The following PRKD2 variants were observed in gnomAD, a reference collection of about 807,000 sequenced individuals.
PRKD2 encodes serine/threonine-protein kinase D2.
Under a neutral mutation model 86.0 loss-of-function variants are expected in PRKD2, and 22 were observed. That is an observed-to-expected ratio of 0.26 (90% confidence interval 0.18 to 0.37). The LOEUF is 0.37. Among genes scored for constraint, PRKD2 ranks in the 10% least tolerant of loss-of-function variants. The pLI is 1.00. For missense variants in PRKD2, 818 were observed against 1,199.2 expected (o/e 0.68, Z 4.70); for synonymous variants, 509 against 510.9 (o/e 1.00, Z 0.05).
chr19:46,713,766 C>G (rs1003525439), intron 2 of PRKD2, 97 bp downstream of exon 2: 2 of 1,177,910 alleles, frequency 1.7e-6, no homozygotes, highest in South Asian at 3.0e-5. Flanking sequence ...CCACTACACC[C>G]GGCCTCTCCT....
At position 46,704,571 on chromosome 19, in the gene PRKD2, G is replaced by A; in HGVS notation, c.590C>T (p.Ser197Leu). The change falls in exon 4 of 18, where the codon TCA becomes TTA. Residue 197 changes from serine to leucine, a missense_variant. Coordinates refer to ENST00000291281, the MANE Select transcript of PRKD2 (RefSeq NM_016457.5). ...GTGGCCACTGGCCAGAGACGTGGATGACAGGCGCCGTTTGCGGGCCCCACT... is the reference window on the plus strand; with the variant it reads ...GTGGCCACTGGCCAGAGACGTGGATAACAGGCGCCGTTTGCGGGCCCCACT... Reference protein sequence around the residue: ...NCSGARKRRLSSTSLASGHSV... With the variant: ...NCSGARKRRLLSTSLASGHSV... 1 of 1,614,102 alleles carries A rather than the reference G, an allele frequency of 6.2e-7. No homozygotes were observed. The highest frequency in any genetic ancestry group is 8.5e-7 in the Non-Finnish European group (1 of 1,180,008).
chr19:46,714,477 T>TGGGGGGGGGGGGGGG (rs567281554), intron 1 of PRKD2: 1 of 40,950 alleles, frequency 2.4e-5, no homozygotes, highest in Non-Finnish European at 6.2e-5. Context: ...CCTGGGAAAG[T>TGGGGGGGGGGGGGGG]GGGGGGGGGG....
chr19:46,710,030 T>TG (rs1469764366), intron 3 of PRKD2, among the ~76,000 whole-genome samples: 1 of 152,116 alleles, frequency 6.6e-6, no homozygotes, highest in Non-Finnish European at 1.5e-5. Context: ...CCCAAGTAGC[T>TG]GGGACTACAG....
rs1202715828 is a variant in PRKD2 at position 46,713,940 on chromosome 19, G to T, written c.302C>A (p.Thr101Lys). The stretch of plus-strand genomic sequence containing the variant: ...CACCAGCTGCAGGAGGTTGGCCGAC[G>T]TGGGGTCATGTTTGAAAAGCAGGAT... Reference protein sequence around the residue: ...DKILLFKHDPTSANLLQLVRS... With the variant: ...DKILLFKHDPKSANLLQLVRS... Residue 101 changes from threonine to lysine, a missense_variant, in exon 2 of 18, where the codon ACG becomes AAG. Thr to Lys is a moderately conservative substitution (Grantham distance 78). Transcript: ENST00000291281. 4 of 1,613,532 alleles carry T rather than the reference G, an allele frequency of 2.5e-6. No individual in the cohort carries two copies. The highest frequency in any genetic ancestry group is 1.3e-5 in the African/African-American group (1 of 74,914).
chr19:46,703,992 C>CACACACAA (rs946341425), intron 5 of PRKD2, among the ~76,000 whole-genome samples, 177 bp downstream of exon 5: 1 of 150,200 alleles, frequency 6.7e-6, no homozygotes, highest in East Asian at 1.9e-4. Context: ...CACACACACA[C>CACACACAA]AACTGAGGTT....
At chr19:46,691,834 G>C (rs774689740) in intron 11 of PRKD2, 27 bp from the exon 12 acceptor site, 2 of 1,613,910 alleles carry the variant, frequency 1.2e-6, no homozygotes, top group Non-Finnish European at 1.7e-6. Flanking sequence ...GGGCAGGTCA[G>C]GGGTGCAAAT....
intron 14 of PRKD2, chr19:46,685,756 C>T (rs2053387584): frequency 6.6e-6 from 1 of 152,186 alleles, no homozygotes; most frequent in African/African-American, 2.4e-5. Context: ...TGAGACTGGC[C>T]TGGGCAACAT....
At chr19:46,689,224 C>T (rs547516863) in intron 14 of PRKD2, among the ~76,000 whole-genome samples, 5 of 150,126 alleles carry the variant, frequency 3.3e-5, no homozygotes, top group East Asian at 2.0e-4. Context: ...CAGGTTCACA[C>T]CATTCTCCTG....
chr19:46,707,715 T>C (rs1180667075), intron 3 of PRKD2, among the ~76,000 whole-genome samples: 1 of 152,156 alleles, frequency 6.6e-6, no homozygotes, highest in Non-Finnish European at 1.5e-5. Flanking sequence ...ATTTCAACAT[T>C]CTCACTCAGA....
At chr19:46,689,312 A>T (rs2053449230) in intron 14 of PRKD2, among the ~76,000 whole-genome samples, 1 of 151,892 alleles carries the variant, frequency 6.6e-6, no homozygotes, top group East Asian at 1.9e-4. Flanking sequence ...TAGTAGAGAC[A>T]GGGTTTCACC....
At position 46,686,883 on chromosome 19, in the gene PRKD2, G is replaced by A. The variant is rs371781767; in HGVS notation, c.1971+2654C>T. On this transcript the variant is annotated intron_variant, in intron 14 of 17. Transcript: ENST00000291281. ...GGAGAATGGTGTGAACCTGGGAGGC[G>A]GAGCTTGCAGTGAGCCGAGATGGTG... Among the ~76,000 whole-genome samples the A allele has an allele frequency of 2.5e-3, 374 of 150,822 alleles. 7 individuals are homozygous for A. The highest frequency in any genetic ancestry group is 8.3e-3 in the African/African-American group (342 of 41,026).
intron 14 of PRKD2, 127 bp downstream of exon 14, chr19:46,689,407 CTGA>C: frequency 8.6e-7 from 1 of 1,158,560 alleles, no homozygotes; most frequent in Non-Finnish European, 1.2e-6. Context: ...TGCGCCCAGC[CTGA>C]TGATGGTTTC....
chr19:46,674,392 G>T lies in PRKD2; in HGVS notation c.*131C>A. The T allele has an allele frequency of 1.0e-6, 1 of 974,068 alleles. No individual in the cohort carries two copies. The highest frequency in any genetic ancestry group is 1.5e-6 in the Non-Finnish European group (1 of 677,332). 60.3% of individuals were successfully genotyped at this position (974,068 alleles called of 1,614,324 possible). A position where few individuals can be genotyped will look rare whatever the true frequency, so the allele number is the denominator to read the frequency against. On this transcript the variant is annotated 3_prime_UTR_variant, in exon 18 of 18. Coordinates refer to ENST00000291281, the MANE Select transcript of PRKD2 (RefSeq NM_016457.5). Reference sequence around the variant, plus strand: ...GAAACAGGGAGGGGCCTTGGAAATAGCTCCCCCCACCCCACTCCCCACGTG... The same window carrying T: ...GAAACAGGGAGGGGCCTTGGAAATATCTCCCCCCACCCCACTCCCCACGTG...
chr19:46,716,833 G>C lies in PRKD2; in HGVS notation c.-463C>G, dbSNP rs1356152622. 6.5e-6 allele frequency: 1 copy of C among 153,240 alleles called. No homozygotes were observed. The highest frequency in any genetic ancestry group is 1.5e-5 in the Non-Finnish European group (1 of 68,910). The allele number at this position is 153,240 out of a possible 1,614,324, so 9.5% of individuals were successfully genotyped here. ...AATTCACCTTGGGGGTGGAGGGCAGGAGTCTCTGAGTCGGGGACCGAGTGG... is the reference window on the plus strand; with the variant it reads ...AATTCACCTTGGGGGTGGAGGGCAGCAGTCTCTGAGTCGGGGACCGAGTGG... On this transcript the variant is annotated 5_prime_UTR_variant, in exon 1 of 18. Transcript: ENST00000291281. This position sits in a 1 kb window ranked among gnomAD's most constrained non-coding sequence, Gnocchi z 7.9.
chr19:46,697,928 G>A (rs890431835), intron 7 of PRKD2, 78 bp from the exon 8 acceptor site: 12 of 1,107,748 alleles, frequency 1.1e-5, no homozygotes, highest in African/African-American at 6.2e-5. Flanking sequence ...GGGCATCTCT[G>A]GGAAACTAGG....
chr19:46,713,729 C>G, intron 2 of PRKD2, 134 bp downstream of exon 2: 2 of 874,856 alleles, frequency 2.3e-6, no homozygotes, highest in Non-Finnish European at 3.3e-6. Flanking sequence ...GCTCAGCCTC[C>G]CAAAGTGCTG....
chr19:46,715,122 A>G (rs929757192), intron 1 of PRKD2, among the ~76,000 whole-genome samples: 3 of 151,952 alleles, frequency 2.0e-5, no homozygotes, highest in Non-Finnish European at 4.4e-5. Flanking sequence ...TGGTATCACT[A>G]TACATTTTAG....
At chr19:46,676,786 G>A (rs1337249007) in intron 16 of PRKD2, among the ~76,000 whole-genome samples, 1 of 152,196 alleles carries the variant, frequency 6.6e-6, no homozygotes, top group Non-Finnish European at 1.5e-5. Context: ...CTGGCGGGGT[G>A]TGATGGCTTA....
chr19:46,702,346 C>T (rs368848613), intron 5 of PRKD2, among the ~76,000 whole-genome samples: 350 of 151,872 alleles, frequency 2.3e-3, no homozygotes, highest in African/African-American at 7.8e-3. Flanking sequence ...GACCTGATTC[C>T]GTATTTCTAA....
Sources: gnomAD v4.1 joint callset for allele counts (sites outside exome capture counted in the v4.1 genomes callset) on GRCh38, gnomAD v4.1.1 for gene constraint, Gnocchi (gnomAD v3.1) non-coding constraint, MANE v1.5 for transcripts, NCBI Gene and HGNC (gene_info 2026-07-23, HGNC 2026-07-21) for gene names.